Variants in TTLL5 observed in about 807,000 individuals in gnomAD.
TTLL5 encodes tubulin polyglutamylase TTLL5.
Under a neutral mutation model 168.4 loss-of-function variants are expected in TTLL5, and 132 were observed. That is an observed-to-expected ratio of 0.78 (90% CI 0.68 to 0.91). TTLL5 has a LOEUF of 0.91. TTLL5 is among the 40% of genes least tolerant of loss of function. TTLL5 has a pLI of 0.00. For synonymous variants in TTLL5, 546 were observed against 558.6 expected (o/e 0.98, Z 0.32); for missense variants, 1,545 against 1,581.5 (o/e 0.98, Z 0.39).
chr14:75,687,990 T>G (rs1027379118), intron 5 of TTLL5, among the ~76,000 whole-genome samples: 1 of 151,810 alleles, frequency 6.6e-6, no homozygotes, highest in Non-Finnish European at 1.5e-5. Flanking sequence ...GAATGCAGAG[T>G]GGTATAGCCA....
chr14:75,855,526 T>C (rs1897088068), intron 28 of TTLL5, among the ~76,000 whole-genome samples: 1 of 152,200 alleles, frequency 6.6e-6, no homozygotes. Flanking sequence ...CCCCAAAATC[T>C]GCAGTCTAAC....
At chr14:75,677,391 T>TA (rs1491538775) in intron 3 of TTLL5, among the ~76,000 whole-genome samples, 1 of 32,236 alleles carries the variant, frequency 3.1e-5, no homozygotes, top group Admixed American at 4.3e-4. Context: ...TCTCTCTCTC[T>TA]TTTTTTTTTT....
chr14:75,707,436 G>T (rs1886736530), intron 8 of TTLL5, among the ~76,000 whole-genome samples, 187 bp from the exon 9 acceptor site: 1 of 151,858 alleles, frequency 6.6e-6, no homozygotes, highest in Admixed American at 6.6e-5. Flanking sequence ...TACATAATAT[G>T]TATACGGTAC....
chr14:75,778,827 A>T (rs189422689), intron 23 of TTLL5, among the ~76,000 whole-genome samples: 1 of 152,236 alleles, frequency 6.6e-6, no homozygotes, highest in South Asian at 2.1e-4. Flanking sequence ...GTGGCTGTTC[A>T]TAAAGAGCAT....
intron 31 of TTLL5, among the ~76,000 whole-genome samples, chr14:75,949,939 GTTTATT>G (rs1691378125): frequency 1.3e-5 from 2 of 151,976 alleles, no homozygotes; most frequent in Non-Finnish European, 2.9e-5. Context: ...GGTATTAGTT[GTTTATT>G]TTTATTTTTT....
intron 31 of TTLL5, among the ~76,000 whole-genome samples, chr14:75,937,059 T>C (rs992781452): frequency 5.9e-5 from 9 of 152,148 alleles, no homozygotes; most frequent in African/African-American, 1.4e-4. Flanking sequence ...TGTGGTGAAA[T>C]ATATGTAACA....
chr14:75,856,653 G>GTC (rs1390347622), intron 28 of TTLL5, among the ~76,000 whole-genome samples: 2 of 125,054 alleles, frequency 1.6e-5, no homozygotes, highest in South Asian at 2.7e-4. Flanking sequence ...TTGAGACAGA[G>GTC]TCTCTCTCTG....
At chr14:75,741,645 T>G (rs1054115238) in intron 15 of TTLL5, among the ~76,000 whole-genome samples, 1 of 152,114 alleles carries the variant, frequency 6.6e-6, no homozygotes, top group South Asian at 2.1e-4. Flanking sequence ...CCTTCTCTCT[T>G]TCTCTACCTT....
chr14:75,786,038 G>A lies in TTLL5; in HGVS notation c.2986+2508G>A, dbSNP rs368523630. ...ACAGCTAAGACATGTTTTATAAATA[G>A]CCAGTCTATATTTCTTAATACCTGT... is the stretch of plus-strand genomic sequence containing the variant. On this transcript the variant is annotated intron_variant, in intron 26 of 31. Transcript: ENST00000298832. Among the ~76,000 whole-genome samples, 52 of 152,216 alleles carry A rather than the reference G, an allele frequency of 3.4e-4. No individual in the cohort carries two copies. The South Asian group carries it at 0.01, about 30-fold the overall frequency.
intron 28 of TTLL5, chr14:75,838,864 C>G (rs1896043504): frequency 6.6e-6 from 1 of 152,622 alleles, no homozygotes; most frequent in South Asian, 2.1e-4. Context: ...CCCACAGATG[C>G]TACTGTCCGC....
chr14:75,808,694 G>A (rs1045515958), intron 27 of TTLL5, among the ~76,000 whole-genome samples: 1 of 152,082 alleles, frequency 6.6e-6, no homozygotes, highest in Non-Finnish European at 1.5e-5. Flanking sequence ...GGTGAAAACA[G>A]GAACAGATCC....
intron 6 of TTLL5, among the ~76,000 whole-genome samples, chr14:75,692,782 G>A (rs58254740): frequency 0.11 from 16,480 of 152,168 alleles, 1,171 homozygotes; most frequent in East Asian, 0.38. Flanking sequence ...AACCAGGAAG[G>A]CAAAGGAGGA....
At chr14:75,840,848 C>T (rs1470686602) in intron 28 of TTLL5, among the ~76,000 whole-genome samples, 2 of 152,114 alleles carry the variant, frequency 1.3e-5, no homozygotes, top group African/African-American at 2.4e-5. Context: ...TAAAGAAATA[C>T]CTGAGGCTGG....
At chr14:75,761,062 C>G (rs760592411) in intron 18 of TTLL5, among the ~76,000 whole-genome samples, 12 of 151,998 alleles carry the variant, frequency 7.9e-5, no homozygotes, top group African/African-American at 2.4e-4. Context: ...AACCCAATTA[C>G]AAAAGGATAA....
intron 7 of TTLL5, among the ~76,000 whole-genome samples, chr14:75,700,228 C>T (rs998111041): frequency 6.6e-6 from 1 of 152,186 alleles, no homozygotes; most frequent in African/African-American, 2.4e-5. Flanking sequence ...GTCAGGTGAT[C>T]ATCAGGTGAT....
intron 29 of TTLL5, among the ~76,000 whole-genome samples, chr14:75,878,423 T>C (rs1436808038): frequency 6.6e-6 from 1 of 152,154 alleles, no homozygotes; most frequent in African/African-American, 2.4e-5. Context: ...CTAGATTCCA[T>C]GCTGTAGGTG....
At chr14:75,933,929 G>A (rs982375051) in intron 31 of TTLL5, among the ~76,000 whole-genome samples, 1 of 152,194 alleles carries the variant, frequency 6.6e-6, no homozygotes, top group Non-Finnish European at 1.5e-5. Flanking sequence ...CCATCTGCAA[G>A]CCAAGGAAGG....
At chr14:75,725,454 A>G (rs1006409906) in intron 12 of TTLL5, among the ~76,000 whole-genome samples, 3 of 152,192 alleles carry the variant, frequency 2.0e-5, no homozygotes, top group Admixed American at 1.3e-4. Context: ...TATTTCCTTT[A>G]ATTTGGTTTC....
chr14:75,889,903 T>G (rs2032314382), intron 30 of TTLL5, among the ~76,000 whole-genome samples: 1 of 122,278 alleles, frequency 8.2e-6, no homozygotes, highest in African/African-American at 3.2e-5. Context: ...CAGGCAAAGA[T>G]ATACTCAAAG....
Sources: allele counts gnomAD v4.1 joint callset (sites outside exome capture counted in the v4.1 genomes callset), GRCh38; gene constraint gnomAD v4.1.1; transcripts MANE v1.5; gene names NCBI Gene and HGNC (gene_info 2026-07-23, HGNC 2026-07-21).